SOX6: variants seen among roughly 807,000 people sequenced by gnomAD.
The protein encoded by SOX6 is SRY-box transcription factor 6.
Under a neutral mutation model 97.8 loss-of-function variants are expected in SOX6, and 11 were observed. That is an observed-to-expected ratio of 0.11 (90% CI 0.07 to 0.19). The LOEUF is 0.19. SOX6 is among the 10% of genes least tolerant of loss of function. The pLI, the probability that SOX6 is intolerant of heterozygous loss-of-function variation, is 1.00. For synonymous variants in SOX6, 360 were observed against 371.4 expected, an observed-to-expected ratio of 0.97 and a Z score of 0.35; for missense variants, 810 against 1,039.5, an observed-to-expected ratio of 0.78 and a Z score of 3.04.
At chr11:16,109,576 T>C (rs1413099016) in intron 7 of SOX6, among the ~76,000 whole-genome samples, 1 of 152,194 alleles carries the variant, frequency 6.6e-6, no homozygotes, top group African/African-American at 2.4e-5. Flanking sequence ...TTGTCCAGTT[T>C]CCAGTCCAAT....
intron 6 of SOX6, among the ~76,000 whole-genome samples, chr11:16,145,647 G>A (rs548177045): frequency 6.6e-6 from 1 of 152,284 alleles, no homozygotes; most frequent in South Asian, 2.1e-4. Flanking sequence ...AGCAACTTCA[G>A]CAAAGTCTCA....
chr11:16,572,283 G>A (rs1037638804), intron 4 of SOX6, among the ~76,000 whole-genome samples: 13 of 151,872 alleles, frequency 8.6e-5, no homozygotes, highest in African/African-American at 1.2e-4. Context: ...TTAAATGTCC[G>A]GACATTGAAT....
At chr11:16,237,029 C>T (rs137942086) in intron 3 of SOX6, among the ~76,000 whole-genome samples, 316 of 152,060 alleles carry the variant, frequency 2.1e-3, no homozygotes, top group Non-Finnish European at 3.2e-3. Context: ...TCTACATTTT[C>T]AGCCATGAAA....
intron 6 of SOX6, among the ~76,000 whole-genome samples, chr11:16,138,159 C>T (rs755968832): frequency 5.3e-5 from 8 of 152,134 alleles, no homozygotes; most frequent in African/African-American, 1.9e-4. Flanking sequence ...TATAGAATTG[C>T]TTCTAGGAAT....
chr11:16,419,054 A>C (rs1303698635), intron 1 of SOX6, among the ~76,000 whole-genome samples: 2 of 152,180 alleles, frequency 1.3e-5, no homozygotes, highest in Non-Finnish European at 2.9e-5. Context: ...AACTCCATGC[A>C]TTAAAGTCAA....
intron 12 of SOX6, chr11:16,023,438 A>C (rs1180989644): frequency 6.6e-6 from 1 of 152,148 alleles, no homozygotes; most frequent in African/African-American, 2.4e-5. Context: ...TTTAAATAAA[A>C]TGCAATTATT....
At chr11:16,083,341 T>C (rs1299217573) in intron 9 of SOX6, among the ~76,000 whole-genome samples, 3 of 152,202 alleles carry the variant, frequency 2.0e-5, no homozygotes, top group Non-Finnish European at 4.4e-5. Flanking sequence ...ACTAATTAAA[T>C]AATTACTCTT....
intron 1 of SOX6, among the ~76,000 whole-genome samples, chr11:16,371,884 G>A (rs184644336): frequency 6.6e-6 from 1 of 151,948 alleles, no homozygotes; most frequent in South Asian, 2.1e-4. Context: ...TCAGATTTTG[G>A]ATTTTCAGAT....
intron 3 of SOX6, among the ~76,000 whole-genome samples, chr11:16,678,450 T>C (rs1485887610): frequency 2.0e-5 from 3 of 152,342 alleles, no homozygotes; most frequent in Admixed American, 1.3e-4. Context: ...TATTCTTGCA[T>C]TGCCATAAAG....
chr11:16,137,323 T>TG (rs776110481), intron 6 of SOX6, among the ~76,000 whole-genome samples: 12 of 152,118 alleles, frequency 7.9e-5, no homozygotes, highest in Non-Finnish European at 1.5e-4. Flanking sequence ...CTACTCGGGA[T>TG]GCTGAGGCAC....
chr11:16,183,808 T>G, intron 6 of SOX6, 78 bp downstream of exon 6: 1 of 1,301,740 alleles, frequency 7.7e-7, no homozygotes, highest in South Asian at 1.2e-5. Flanking sequence ...CAGGGGTACA[T>G]CTGCAGAGTT....
chr11:16,284,299 A>G (rs553002797), intron 3 of SOX6, among the ~76,000 whole-genome samples: 10 of 152,266 alleles, frequency 6.6e-5, no homozygotes, highest in African/African-American at 1.9e-4. Flanking sequence ...TGATTTAACA[A>G]TTTGCAAATG....
At chr11:16,217,166 T>G (rs1852397449) in intron 4 of SOX6, among the ~76,000 whole-genome samples, 1 of 152,190 alleles carries the variant, frequency 6.6e-6, no homozygotes, top group Non-Finnish European at 1.5e-5. Flanking sequence ...GTTACGGACA[T>G]AAACTTCAGG....
At chr11:16,146,675 A>G (rs2134049269) in intron 6 of SOX6, among the ~76,000 whole-genome samples, 1 of 152,320 alleles carries the variant, frequency 6.6e-6, no homozygotes, top group East Asian at 1.9e-4. Context: ...AAACAACCCC[A>G]TCAAAAAGTG....
intron 6 of SOX6, among the ~76,000 whole-genome samples, chr11:16,114,010 T>C (rs2133997568): frequency 6.6e-6 from 1 of 152,288 alleles, no homozygotes; most frequent in African/African-American, 2.4e-5. Context: ...ATAGTCACTC[T>C]GAGTAAAGAG....
chr11:16,058,984 T>C (rs1378925781), intron 9 of SOX6, among the ~76,000 whole-genome samples: 3 of 152,100 alleles, frequency 2.0e-5, no homozygotes, highest in African/African-American at 7.2e-5. Context: ...GTTCCTTTAA[T>C]GATACATGAT....
intron 1 of SOX6, among the ~76,000 whole-genome samples, chr11:16,457,671 C>A (rs772498500): frequency 2.0e-5 from 3 of 151,924 alleles, no homozygotes; most frequent in Non-Finnish European, 4.4e-5. Context: ...TTACTTAAAG[C>A]CTACACCATG....
At position 16,207,593 on chromosome 11, in the gene SOX6, C is replaced by CA. The variant is rs11337273; in HGVS notation, c.536-20639dup. ...TGGGCGACAGAGCGAGACTCCATCT[C>CA]AAAAAAAAAAAAAAAGTAAAGAACA... On this transcript the variant is annotated intron_variant, in intron 4 of 15. Transcript: ENST00000683767. 2.1e-3 allele frequency among the ~76,000 whole-genome samples: 268 copies of CA among 129,406 alleles called. 2 individuals carry two copies. Among genetic ancestry groups the CA allele is most frequent in the African/African-American group, 6.0e-3 (211 of 34,948 alleles). 84.9% of individuals were successfully genotyped at this position (129,406 alleles called of 152,430 possible). A position where few individuals can be genotyped will look rare whatever the true frequency, so the allele number is the denominator to read the frequency against.
chr11:16,045,624 C>T (rs1855805678), intron 12 of SOX6, among the ~76,000 whole-genome samples: 1 of 152,118 alleles, frequency 6.6e-6, no homozygotes, highest in Admixed American at 6.6e-5. Context: ...CCGGCTGTGT[C>T]GTCTCTTGTG....
Sources: allele counts gnomAD v4.1 joint callset (sites outside exome capture counted in the v4.1 genomes callset), GRCh38; gene constraint gnomAD v4.1.1; transcripts MANE v1.5; gene names NCBI Gene and HGNC (gene_info 2026-07-23, HGNC 2026-07-21).